Variants in DAB1 observed in about 807,000 individuals in gnomAD.
DAB1 encodes DAB adaptor protein 1.
In DAB1, 15 loss-of-function variants were observed where a neutral mutation model predicts 64.6. That is an observed-to-expected ratio of 0.23 (90% confidence interval 0.16 to 0.36). The LOEUF (loss-of-function observed/expected upper bound fraction) is 0.36. DAB1 is among the 10% of genes least tolerant of loss of function. The probability of loss-of-function intolerance (pLI) is 1.00; values close to 1 mark genes in which losing one functional copy is unlikely to be tolerated. For missense variants in DAB1, 596 were observed against 706.7 expected (o/e 0.84, Z 1.78); for synonymous variants, 235 against 251.9 (o/e 0.93, Z 0.64).
chr1:57,005,146 G>T (rs1405502634), intron 14 of DAB1, among the ~76,000 whole-genome samples: 1 of 152,082 alleles, frequency 6.6e-6, no homozygotes, highest in African/African-American at 2.4e-5. Flanking sequence ...GCTGAAATCC[G>T]CTTGGTGCAT....
chr1:57,285,160 G>A (rs1166669242), intron 2 of DAB1, among the ~76,000 whole-genome samples: 1 of 152,234 alleles, frequency 6.6e-6, no homozygotes, highest in Admixed American at 6.5e-5. Context: ...ATGGTGAACT[G>A]TGATTTCAGA....
intron 3 of DAB1, among the ~76,000 whole-genome samples, chr1:58,364,645 C>T (rs1461110998): frequency 6.6e-6 from 1 of 152,138 alleles, no homozygotes; most frequent in East Asian, 1.9e-4. Flanking sequence ...ATGTTAATCA[C>T]CAATATCCTT....
chr1:57,244,688 C>T, intron 2 of DAB1, among the ~76,000 whole-genome samples: 1 of 152,178 alleles, frequency 6.6e-6, no homozygotes, highest in East Asian at 1.9e-4. Context: ...TAAGTGGCTT[C>T]AAATAAACAC....
At chr1:58,247,258 TC>T (rs753824873) in intron 4 of DAB1, among the ~76,000 whole-genome samples, 9 of 112,050 alleles carry the variant, frequency 8.0e-5, no homozygotes, top group Non-Finnish European at 1.4e-4. Context: ...ATTTTTCATT[TC>T]CCCCCCCGCC....
At chr1:57,645,989 A>C (rs1646187559) in intron 7 of DAB1, among the ~76,000 whole-genome samples, 1 of 152,238 alleles carries the variant, frequency 6.6e-6, no homozygotes, top group Non-Finnish European at 1.5e-5. Context: ...ATCTGAGGAA[A>C]TAAAAACAAA....
chr1:57,066,277 A>G lies in DAB1; in HGVS notation c.663+3083T>C, dbSNP rs539041494. Among the ~76,000 whole-genome samples, 3 of 152,336 alleles carry G rather than the reference A, an allele frequency of 2.0e-5. No individual in the cohort carries two copies. In the South Asian group the frequency reaches 6.2e-4, roughly 32 times the overall value. On this transcript the variant is annotated intron_variant, in intron 8 of 14. Coordinates refer to ENST00000371236, the MANE Select transcript of DAB1 (RefSeq NM_001365792.1). ...TTAGAATCAGAGGTTCTGACCTTGTATTCAGCACCTCAATTGGGGGAACTT... is the reference window on the plus strand; with the variant it reads ...TTAGAATCAGAGGTTCTGACCTTGTGTTCAGCACCTCAATTGGGGGAACTT...
chr1:58,074,525 TA>T (rs1649477797), intron 5 of DAB1: 1 of 104,732 alleles, frequency 9.5e-6, no homozygotes, highest in Non-Finnish European at 1.8e-5. Context: ...TATATATACA[TA>T]TATATATATA....
In DAB1 at chr1:57,315,198, C is replaced by T. The variant is rs571643354; in HGVS notation, c.-136-24032G>A. 3.0e-4 allele frequency among the ~76,000 whole-genome samples: 45 copies of T among 152,226 alleles called. No homozygotes were observed. The South Asian group carries it at 6.7e-3, about 22-fold the overall frequency. On this transcript the variant is annotated intron_variant, in intron 1 of 14. Coordinates refer to ENST00000371236, the MANE Select transcript of DAB1 (RefSeq NM_001365792.1). ...ACCTATTTAAAGTGGTTTTCTGAGG[C>T]CACCCAAACTAAAATTGCCTCCTTG...
chr1:57,420,826 G>A (rs1684834824), intron 1 of DAB1, among the ~76,000 whole-genome samples: 1 of 152,186 alleles, frequency 6.6e-6, no homozygotes, highest in Admixed American at 6.5e-5. Context: ...TCAACCACGA[G>A]TATTCTTTGT....
intron 4 of DAB1, among the ~76,000 whole-genome samples, chr1:58,153,519 T>C (rs1441077393): frequency 3.3e-5 from 5 of 152,152 alleles, no homozygotes; most frequent in African/African-American, 1.2e-4. Flanking sequence ...AAAGCTAATA[T>C]AGACACTGTT....
chr1:58,420,584 C>T (rs1644762314), intron 3 of DAB1, among the ~76,000 whole-genome samples: 2 of 152,220 alleles, frequency 1.3e-5, no homozygotes. Flanking sequence ...CTTGTCTCTA[C>T]ATTTTTTAGC....
intron 6 of DAB1, among the ~76,000 whole-genome samples, chr1:57,809,440 T>C (rs1463662281): frequency 1.3e-5 from 2 of 152,122 alleles, no homozygotes; most frequent in African/African-American, 4.8e-5. Flanking sequence ...AGAAGTAAAA[T>C]AAATGTTACA....
intron 2 of DAB1, among the ~76,000 whole-genome samples, chr1:57,248,469 C>A (rs956096065): frequency 6.6e-6 from 1 of 152,082 alleles, no homozygotes; most frequent in African/African-American, 2.4e-5. Context: ...AGTATATATT[C>A]ATTAAATATA....
chr1:57,733,957 C>A (rs539999278), intron 6 of DAB1, among the ~76,000 whole-genome samples: 1 of 152,192 alleles, frequency 6.6e-6, no homozygotes, highest in South Asian at 2.1e-4. Flanking sequence ...TGGGCATTTC[C>A]TTGGGACTCA....
At chr1:58,021,640 T>C (rs115116757) in intron 5 of DAB1, among the ~76,000 whole-genome samples, 1,773 of 152,274 alleles carry the variant, frequency 0.012, 32 homozygotes, top group African/African-American at 0.041. Context: ...GTATGGAATA[T>C]GGCCCCCAAA....
intron 1 of DAB1, among the ~76,000 whole-genome samples, chr1:57,396,998 A>G (rs539721336): frequency 3.3e-5 from 5 of 152,356 alleles, no homozygotes; most frequent in Admixed American, 2.0e-4. Context: ...TTATATTAAC[A>G]TACTACATTT....
intron 4 of DAB1, among the ~76,000 whole-genome samples, chr1:58,192,632 CGTGT>C (rs1322623177): frequency 6.6e-6 from 1 of 151,880 alleles, no homozygotes; most frequent in East Asian, 1.9e-4. Flanking sequence ...TCCATGTGTG[CGTGT>C]GTGTATGTGT....
At chr1:57,379,112 G>C (rs1422616222) in intron 1 of DAB1, among the ~76,000 whole-genome samples, 1 of 152,070 alleles carries the variant, frequency 6.6e-6, no homozygotes, top group African/African-American at 2.4e-5. Context: ...TCTATCATAA[G>C]AGTTCCTAAA....
At chr1:57,097,524 C>A (rs1031067946) in intron 4 of DAB1, among the ~76,000 whole-genome samples, 16 of 152,134 alleles carry the variant, frequency 1.1e-4, no homozygotes, top group Non-Finnish European at 2.4e-4. Context: ...CTATTAATTG[C>A]AGGAGCTGGA....
Sources: allele counts gnomAD v4.1 joint callset (sites outside exome capture counted in the v4.1 genomes callset), GRCh38; gene constraint gnomAD v4.1.1; transcripts MANE v1.5; gene names NCBI Gene and HGNC (gene_info 2026-07-23, HGNC 2026-07-21).